ZNF569: variants seen among roughly 807,000 people sequenced by gnomAD.
The protein encoded by ZNF569 is zinc finger protein 569, also known as DNA-binding protein.
In ZNF569, 38 loss-of-function variants were observed where a neutral mutation model predicts 56.3. That is an observed-to-expected ratio of 0.68 (90% CI 0.52 to 0.88). The LOEUF (loss-of-function observed/expected upper bound fraction) is 0.88. Among genes scored for constraint, ZNF569 ranks in the 40% least tolerant of loss-of-function variants. The pLI is 0.00. For synonymous variants in ZNF569, 241 were observed against 262.9 expected (o/e 0.92, Z 0.81); for missense variants, 666 against 809.2 (o/e 0.82, Z 2.15).
intron 2 of ZNF569, among the ~76,000 whole-genome samples, chr19:37,459,422 A>T (rs1389850241): frequency 6.6e-6 from 1 of 152,194 alleles, no homozygotes; most frequent in Non-Finnish European, 1.5e-5. Context: ...AAATATCTAA[A>T]GCATTAAATG....
intron 3 of ZNF569, chr19:37,427,762 T>C (rs2041159013): frequency 2.0e-6 from 1 of 511,662 alleles, no homozygotes; most frequent in African/African-American, 1.9e-5. Flanking sequence ...AAAAAAACCC[T>C]GAAATCCAGG....
At chr19:37,422,927 CA>C (rs768769999) in intron 5 of ZNF569, among the ~76,000 whole-genome samples, 1 of 152,034 alleles carries the variant, frequency 6.6e-6, no homozygotes, top group Non-Finnish European at 1.5e-5. Flanking sequence ...CTATCCCACA[CA>C]AAAAATAAAC....
rs189329380 is a variant in ZNF569, at chr19:37,413,670, C to T, written c.988G>A (p.Glu330Lys). Reference protein sequence around the residue: ...HTGEKPYACNECGKAFPRIAS... With the variant: ...HTGEKPYACNKCGKAFPRIAS... ...ATTCGAGGGAAGGCTTTACCACATTCATTACATGCATAAGGTTTCTCCCCA... is the reference window on the plus strand; with the variant it reads ...ATTCGAGGGAAGGCTTTACCACATTTATTACATGCATAAGGTTTCTCCCCA... Residue 330 changes from glutamate to lysine, a missense_variant, in exon 6 of 6, where the codon GAA (glutamate) becomes AAA (lysine). Glu to Lys is a moderately conservative substitution (Grantham distance 56, BLOSUM62 1). Coordinates refer to ENST00000316950, the MANE Select transcript of ZNF569 (RefSeq NM_152484.3). The T allele has an allele frequency of 4.7e-5, 76 of 1,614,018 alleles. No individual in the cohort carries two copies. Among genetic ancestry groups the T allele is most frequent in the South Asian group, 1.5e-4 (14 of 91,086 alleles).
At chr19:37,432,121 A>C (rs2041235551) in intron 3 of ZNF569, among the ~76,000 whole-genome samples, 1 of 152,204 alleles carries the variant, frequency 6.6e-6, no homozygotes. Flanking sequence ...AAAGGGAAGG[A>C]AACAAGACTG....
chr19:37,466,226 AAGG>A (rs1362690925), intron 1 of ZNF569, among the ~76,000 whole-genome samples: 2 of 152,210 alleles, frequency 1.3e-5, no homozygotes, highest in African/African-American at 4.8e-5. Flanking sequence ...TGGAGTAGGG[AAGG>A]AGGAGAATGA....
At chr19:37,459,682 T>C (rs1173465784) in intron 2 of ZNF569, among the ~76,000 whole-genome samples, 3 of 152,166 alleles carry the variant, frequency 2.0e-5, no homozygotes, top group Non-Finnish European at 4.4e-5. Context: ...TTTTGGTTCT[T>C]TTATTAGTAA....
At chr19:37,463,466 T>C (rs188412917) in intron 2 of ZNF569, among the ~76,000 whole-genome samples, 178 of 152,334 alleles carry the variant, frequency 1.2e-3, no homozygotes, top group African/African-American at 3.9e-3. Flanking sequence ...TATAAAAGTA[T>C]AGCACATACA....
chr19:37,413,947 A>G lies in ZNF569; in HGVS notation c.711T>C (p.Ser237=). ...CATTACATTTGTAAGACTGCTCCCTACTGTGAATTTTATAATGTTTAATAA... is the reference window on the plus strand; with the variant it reads ...CATTACATTTGTAAGACTGCTCCCTGCTGTGAATTTTATAATGTTTAATAA... ...EKLIKHYKIH[S]REQSYKCNEC... is the part of the protein sequence containing the mutation. Residue 237 remains serine, a synonymous_variant, in exon 6 of 6, where the codon AGT becomes AGC. Transcript: ENST00000316950. 6.2e-7 allele frequency: 1 copy of G among 1,613,470 alleles called. No individual in the cohort carries two copies.
chr19:37,455,807 AAAG>A (rs2041662191), intron 2 of ZNF569, among the ~76,000 whole-genome samples: 1 of 152,268 alleles, frequency 6.6e-6, no homozygotes, highest in African/African-American at 2.4e-5. Flanking sequence ...ATGACACATG[AAAG>A]AAGGATATAA....
At chr19:37,425,545 T>A in intron 5 of ZNF569, 1 of 163,516 alleles carries the variant, frequency 6.1e-6, no homozygotes, top group Non-Finnish European at 1.3e-5. Flanking sequence ...ATGGTTGTGA[T>A]CTCCTGACCT....
chr19:37,444,459 G>A (rs2041460148), intron 3 of ZNF569, among the ~76,000 whole-genome samples: 1 of 151,882 alleles, frequency 6.6e-6, no homozygotes, highest in Non-Finnish European at 1.5e-5. Flanking sequence ...ATTTTCATTT[G>A]CATTGTTTCT....
chr19:37,435,508 GAATGTAAAGCTCTCC>G (rs973395877), intron 3 of ZNF569, among the ~76,000 whole-genome samples: 1 of 152,086 alleles, frequency 6.6e-6, no homozygotes, highest in Non-Finnish European at 1.5e-5. Flanking sequence ...ACTAACATTT[GAATGTAAAGCTCTCC>G]AATCAAAAGA....
intron 3 of ZNF569, 141 bp from the exon 4 acceptor site, chr19:37,426,519 A>G: frequency 1.1e-6 from 1 of 895,630 alleles, no homozygotes. Flanking sequence ...ATTTATGTTC[A>G]TTCACTGATT....
At chr19:37,430,746 C>T (rs1335247749) in intron 3 of ZNF569, among the ~76,000 whole-genome samples, 1 of 152,212 alleles carries the variant, frequency 6.6e-6, no homozygotes, top group Admixed American at 6.5e-5. Flanking sequence ...CTGGTTTTAA[C>T]TTCACATCAC....
At chr19:37,462,594 C>T (rs1006015754) in intron 2 of ZNF569, among the ~76,000 whole-genome samples, 12 of 152,052 alleles carry the variant, frequency 7.9e-5, no homozygotes, top group Admixed American at 2.6e-4. Context: ...ATGTGGCACC[C>T]GACACAGTTC....
chr19:37,453,431 G>C (rs1424123764), intron 2 of ZNF569, among the ~76,000 whole-genome samples: 2 of 152,156 alleles, frequency 1.3e-5, no homozygotes, highest in Non-Finnish European at 2.9e-5. Flanking sequence ...CCATCTTGCT[G>C]ATGTCACCCC....
chr19:37,419,168 TG>T (rs1382987756), intron 5 of ZNF569, among the ~76,000 whole-genome samples: 2 of 152,244 alleles, frequency 1.3e-5, no homozygotes, highest in African/African-American at 4.8e-5. Flanking sequence ...TTATAGATGC[TG>T]GATATTAGGA....
At chr19:37,426,402 A>G (rs2041134342) in intron 3 of ZNF569, 24 bp from the exon 4 acceptor site, 1 of 1,566,656 alleles carries the variant, frequency 6.4e-7, no homozygotes, top group Non-Finnish European at 8.6e-7. Context: ...CTCCCACTCA[A>G]TCTGAAGTCA....
chr19:37,430,131 G>A (rs956351300), intron 3 of ZNF569, among the ~76,000 whole-genome samples: 3 of 151,520 alleles, frequency 2.0e-5, no homozygotes, highest in Non-Finnish European at 4.4e-5. Flanking sequence ...AGAGTTCAAG[G>A]TTACAGTGAG....
Sources: gnomAD v4.1 joint callset for allele counts (sites outside exome capture counted in the v4.1 genomes callset) on GRCh38, gnomAD v4.1.1 for gene constraint, MANE v1.5 for transcripts, NCBI Gene and HGNC (gene_info 2026-07-23, HGNC 2026-07-21) for gene names.